The following HERC3 variants were observed in gnomAD, a reference collection of about 807,000 sequenced individuals.
The protein encoded by HERC3 is probable E3 ubiquitin-protein ligase HERC3.
A neutral mutation model predicts 129.9 loss-of-function variants in HERC3; 58 were observed. The observed-to-expected ratio is 0.45, with a 90% CI of 0.36 to 0.56. The LOEUF is 0.56. HERC3 is among the 20% of genes least tolerant of loss of function. The probability of loss-of-function intolerance (pLI) is 0.00; values close to 1 mark genes in which losing one functional copy is unlikely to be tolerated. For synonymous variants in HERC3, 430 were observed against 451.0 expected, an observed-to-expected ratio of 0.95 and a Z score of 0.59; for missense variants, 835 against 1,244.2, an observed-to-expected ratio of 0.67 and a Z score of 4.95.
intron 23 of HERC3, chr4:88,690,501 A>G (rs1422395217): frequency 1.0e-6 from 1 of 985,342 alleles, no homozygotes; most frequent in Admixed American, 6.1e-5. Flanking sequence ...GTTAGAAGCT[A>G]ACAATGGGAT....
the HERC3 span, among the ~76,000 whole-genome samples, chr4:88,535,284 C>G: frequency 6.6e-6 from 1 of 152,204 alleles, no homozygotes; most frequent in East Asian, 1.9e-4. Flanking sequence ...GGGATTCCCA[C>G]TCTGCCCTGC....
chr4:88,669,481 C>A (rs71609533), intron 14 of HERC3, among the ~76,000 whole-genome samples: 84 of 152,294 alleles, frequency 5.5e-4, no homozygotes, highest in Non-Finnish European at 8.7e-4. Context: ...CTTTGCATTT[C>A]TGCTTCAGGA....
the HERC3 span, among the ~76,000 whole-genome samples, chr4:88,558,961 C>A: frequency 8.5e-6 from 1 of 117,334 alleles, no homozygotes; most frequent in South Asian, 2.8e-4. Flanking sequence ...GAGCGAGACT[C>A]TGTCTCAAAA....
At chr4:88,554,091 T>A in the HERC3 span, among the ~76,000 whole-genome samples, 2 of 152,172 alleles carry the variant, frequency 1.3e-5, no homozygotes, top group Non-Finnish European at 2.9e-5. Context: ...CTCACACCTG[T>A]AATCCCAGCA....
intron 23 of HERC3, 62 bp downstream of exon 23, chr4:88,687,361 T>C: frequency 9.0e-7 from 1 of 1,114,092 alleles, no homozygotes; most frequent in Non-Finnish European, 1.3e-6. Flanking sequence ...GTTTTACATT[T>C]AAGACCAAAA....
chr4:88,627,359 T>A (rs1258282094), intron 3 of HERC3, among the ~76,000 whole-genome samples: 1 of 152,172 alleles, frequency 6.6e-6, no homozygotes, highest in Non-Finnish European at 1.5e-5. Context: ...ATACAGATTT[T>A]AAAAACAATA....
chr4:88,564,234 A>G, the HERC3 span, among the ~76,000 whole-genome samples: 1 of 152,172 alleles, frequency 6.6e-6, no homozygotes, highest in African/African-American at 2.4e-5. Flanking sequence ...CATCAGATAT[A>G]TTGGCCTGTA....
the HERC3 span, among the ~76,000 whole-genome samples, chr4:88,536,191 A>C: frequency 6.6e-6 from 1 of 152,128 alleles, no homozygotes; most frequent in Non-Finnish European, 1.5e-5. Context: ...CACTGTGGCC[A>C]CTTCTCATCT....
rs564482330 is a variant in HERC3 at position 88,627,760 on chromosome 4, C to G, written c.226+21711C>G. Among the ~76,000 whole-genome samples, 3 of 151,688 alleles carry G rather than the reference C, an allele frequency of 2.0e-5. No individual in the cohort carries two copies. In the South Asian group the frequency reaches 6.2e-4, roughly 32 times the overall value. ...TCTACTAAAAATACAAAAAAGTAGG[C>G]AGGTATGGTGGTGCATGCCTGTAAT... On this transcript the variant is annotated intron_variant, in intron 3 of 25. Coordinates refer to ENST00000402738, the MANE Select transcript of HERC3 (RefSeq NM_014606.3).
At chr4:88,558,199 A>G in the HERC3 span, among the ~76,000 whole-genome samples, 1 of 152,176 alleles carries the variant, frequency 6.6e-6, no homozygotes, top group Non-Finnish European at 1.5e-5. Flanking sequence ...ACACATGCAC[A>G]TGCATGTTTA....
intron 2 of HERC3, 115 bp from the exon 3 acceptor site, chr4:88,605,680 T>C (rs1440112563): frequency 3.4e-6 from 2 of 589,388 alleles, no homozygotes; most frequent in Non-Finnish European, 6.0e-6. Flanking sequence ...AGTTGTAAGA[T>C]ATCTGAAGAA....
chr4:88,693,862 A>G (rs1018777787), intron 23 of HERC3, among the ~76,000 whole-genome samples: 2 of 152,118 alleles, frequency 1.3e-5, no homozygotes, highest in Admixed American at 6.5e-5. Flanking sequence ...TTTGGCCTAT[A>G]ATAGGTTAAA....
the HERC3 span, among the ~76,000 whole-genome samples, chr4:88,547,746 C>T: frequency 6.6e-6 from 1 of 152,198 alleles, no homozygotes; most frequent in African/African-American, 2.4e-5. Flanking sequence ...ACCTGCACCC[C>T]TATGGTTCAA....
At chr4:88,649,550 A>G (rs886760957) in intron 3 of HERC3, among the ~76,000 whole-genome samples, 2 of 152,258 alleles carry the variant, frequency 1.3e-5, no homozygotes, top group South Asian at 2.1e-4. Flanking sequence ...TTCTCCCTGG[A>G]GAGAGAAGCA....
intron 3 of HERC3, among the ~76,000 whole-genome samples, chr4:88,626,023 T>G (rs2149230434): frequency 6.6e-6 from 1 of 152,302 alleles, no homozygotes; most frequent in Middle Eastern, 3.4e-3. Context: ...ATATTACTGT[T>G]TTTGATTTCT....
At chr4:88,558,088 A>G in the HERC3 span, among the ~76,000 whole-genome samples, 62 of 145,586 alleles carry the variant, frequency 4.3e-4, no homozygotes, top group East Asian at 4.1e-3. Flanking sequence ...AAAAAAAAAA[A>G]AAAAAAAGAA....
chr4:88,676,478 C>A, intron 18 of HERC3, 55 bp downstream of exon 18: 1 of 1,218,736 alleles, frequency 8.2e-7, no homozygotes, highest in African/African-American at 1.5e-5. Context: ...CCATTCTAGA[C>A]ATTCAGTTGT....
rs575222407 is a variant in HERC3, at chr4:88,696,487, A to C, written c.2658-7611A>C. On this transcript the variant is annotated intron_variant, in intron 23 of 25. Coordinates refer to ENST00000402738, the MANE Select transcript of HERC3 (RefSeq NM_014606.3). ...GTTTGTAAATAGACAGTACTAAGAAAACACAAACATGAGATTGTAACTAAT... is the reference window on the plus strand; with the variant it reads ...GTTTGTAAATAGACAGTACTAAGAACACACAAACATGAGATTGTAACTAAT... 6 of 152,504 alleles carry C rather than the reference A, an allele frequency of 3.9e-5. No homozygotes were observed. In the South Asian group the frequency reaches 1.2e-3, roughly 32 times the overall value. The allele number at this position is 152,504 out of a possible 1,614,324, so 9.4% of individuals were successfully genotyped here.
At chr4:88,582,345 T>C in the HERC3 span, among the ~76,000 whole-genome samples, 1 of 152,138 alleles carries the variant, frequency 6.6e-6, no homozygotes, top group Non-Finnish European at 1.5e-5. Context: ...CCATAGACAA[T>C]GTTGGGGCTC....
Sources: allele counts gnomAD v4.1 joint callset (sites outside exome capture counted in the v4.1 genomes callset), GRCh38; gene constraint gnomAD v4.1.1; transcripts MANE v1.5; gene names NCBI Gene and HGNC (gene_info 2026-07-23, HGNC 2026-07-21).